DERA: variants seen among roughly 807,000 people sequenced by gnomAD.
The protein encoded by DERA is 2-deoxy-D-ribose 5-phosphate aldolase.
DERA carries 15 observed loss-of-function variants against 41.1 expected under a neutral mutation model. That is an observed-to-expected ratio of 0.37 (90% CI 0.24 to 0.56). The LOEUF is 0.56. DERA is among the 20% of genes least tolerant of loss of function. The probability of loss-of-function intolerance (pLI) is 0.81; values close to 1 mark genes in which losing one functional copy is unlikely to be tolerated. For synonymous variants in DERA, 139 were observed against 137.4 expected, an observed-to-expected ratio of 1.01 and a Z score of -0.08; for missense variants, 396 against 403.4, an observed-to-expected ratio of 0.98 and a Z score of 0.16.
chr12:15,946,426 G>A (rs1234591336), intron 1 of DERA, among the ~76,000 whole-genome samples: 1 of 152,102 alleles, frequency 6.6e-6, no homozygotes, highest in Non-Finnish European at 1.5e-5. Context: ...GGTCTATTCA[G>A]GGATTCAACT....
At chr12:15,975,586 A>G (rs966458314) in intron 5 of DERA, among the ~76,000 whole-genome samples, 9 of 152,196 alleles carry the variant, frequency 5.9e-5, no homozygotes, top group African/African-American at 2.2e-4. Flanking sequence ...GTTATTATCT[A>G]TGTTTTAAAC....
At position 15,976,367 on chromosome 12, in the gene DERA, G is replaced by A. The variant is rs765585858; in HGVS notation, c.509-5941G>A. Among the ~76,000 whole-genome samples, 12 of 152,088 alleles carry A rather than the reference G, an allele frequency of 7.9e-5. No individual in the cohort carries two copies. The highest frequency in any genetic ancestry group is 1.8e-4 in the Non-Finnish European group (12 of 68,032). On this transcript the variant is annotated intron_variant, in intron 5 of 8. Transcript: ENST00000428559. The surrounding 1 kb of genome is among the most constrained non-coding windows in gnomAD (Gnocchi z 4.1). The stretch of plus-strand genomic sequence containing the variant: ...AGAATTTTCAGTCCTCGCTGGTAAG[G>A]GTGACCTTCACTTTCCCCAGAGCTG...
intron 6 of DERA, among the ~76,000 whole-genome samples, chr12:16,016,580 A>G (rs1456535450): frequency 6.6e-6 from 1 of 152,028 alleles, no homozygotes; most frequent in Non-Finnish European, 1.5e-5. Context: ...TGGGCAGATT[A>G]CTTGAGCTCA....
chr12:16,036,386 G>T lies in DERA; in HGVS notation c.900+5G>T, dbSNP rs368674782. ...CTCTCGGACATTGAGAGGCAGGTGAGTAATCATCTCTGTCTTTGGAATAAA... is the reference window on the plus strand; with the variant it reads ...CTCTCGGACATTGAGAGGCAGGTGATTAATCATCTCTGTCTTTGGAATAAA... On this transcript the variant is annotated splice_donor_5th_base_variant and intron_variant, in intron 8 of 8. Coordinates refer to ENST00000428559, the MANE Select transcript of DERA (RefSeq NM_015954.4). This position sits in a 1 kb window ranked among gnomAD's most constrained non-coding sequence, Gnocchi z 4.9. 2 of 1,586,054 alleles carry T rather than the reference G, an allele frequency of 1.3e-6. No homozygotes were observed. Among genetic ancestry groups the T allele is most frequent in the Non-Finnish European group, 1.7e-6 (2 of 1,169,756 alleles).
At chr12:16,023,570 C>G (rs910715600) in intron 6 of DERA, among the ~76,000 whole-genome samples, 11 of 149,366 alleles carry the variant, frequency 7.4e-5, no homozygotes, top group Non-Finnish European at 1.3e-4. Context: ...CTCCGCCTCC[C>G]GGGTTCACGC....
chr12:15,994,691 G>A lies in DERA; in HGVS notation c.637+12255G>A, dbSNP rs755400627. The stretch of plus-strand genomic sequence containing the variant: ...CATGGTCTCGATCTCCTGACCTCGC[G>A]ATCCACCCACCTCGGCCTCCCAAAG... On this transcript the variant is annotated intron_variant, in intron 6 of 8. Coordinates refer to ENST00000428559, the MANE Select transcript of DERA (RefSeq NM_015954.4). The surrounding 1 kb of genome is among the most constrained non-coding windows in gnomAD (Gnocchi z 4.8). Among the ~76,000 whole-genome samples, 1 of 152,128 alleles carries A rather than the reference G, an allele frequency of 6.6e-6. No individual in the cohort carries two copies. The highest frequency in any genetic ancestry group is 2.1e-4 in the South Asian group (1 of 4,828).
chr12:15,912,704 T>A (rs968145688), intron 1 of DERA, among the ~76,000 whole-genome samples: 14 of 152,226 alleles, frequency 9.2e-5, no homozygotes, highest in African/African-American at 3.4e-4. Context: ...TTTTAGGGGC[T>A]AATTTTGAGA....
chr12:16,004,664 G>A lies in DERA; in HGVS notation c.637+22228G>A, dbSNP rs1026416222. Among the ~76,000 whole-genome samples, 1 of 152,044 alleles carries A rather than the reference G, an allele frequency of 6.6e-6. No homozygotes were observed. The highest frequency in any genetic ancestry group is 2.4e-5 in the African/African-American group (1 of 41,380). On this transcript the variant is annotated intron_variant, in intron 6 of 8. Coordinates refer to ENST00000428559, the MANE Select transcript of DERA (RefSeq NM_015954.4). This position sits in a 1 kb window ranked among gnomAD's most constrained non-coding sequence, Gnocchi z 4.2. ...GTGTTTATGCATGTATCCTTTGTAC[G>A]ATGACAACAATGACAACAAATGACT...
At position 15,943,705 on chromosome 12, in the gene DERA, T is replaced by TTTTATTTA. The variant is rs369885387; in HGVS notation, c.32-13203_32-13196dup. Reference sequence around the variant, plus strand: ...TGTTTCTTCTTTTTTATTTTTTAATTTTTATTTATTTATTTATTTATTTAT... The same window carrying TTTTATTTA: ...TGTTTCTTCTTTTTTATTTTTTAATTTTTATTTATTTATTTATTTATTTATTTATTTAT... On this transcript the variant is annotated intron_variant, in intron 1 of 8. Transcript: ENST00000428559. The surrounding 1 kb of genome is among the most constrained non-coding windows in gnomAD (Gnocchi z 4.5). Among the ~76,000 whole-genome samples the TTTTATTTA allele has an allele frequency of 0.22, 32,339 of 143,940 alleles. 4,218 individuals carry two copies. The highest frequency in any genetic ancestry group is 0.3 in the Non-Finnish European group (19,685 of 65,700). The allele number at this position is 143,940 out of a possible 152,430, so 94.4% of individuals were successfully genotyped here.
At chr12:15,977,775 A>C (rs1480692358) in intron 5 of DERA, among the ~76,000 whole-genome samples, 1 of 152,192 alleles carries the variant, frequency 6.6e-6, no homozygotes, top group African/African-American at 2.4e-5. Flanking sequence ...CATGCTTCAC[A>C]TGGGAAGTGT....
At chr12:15,919,515 T>TTAAAGGCA (rs1367226501) in intron 1 of DERA, among the ~76,000 whole-genome samples, 1 of 152,206 alleles carries the variant, frequency 6.6e-6, no homozygotes, top group African/African-American at 2.4e-5. Context: ...ATCTTTTGAG[T>TTAAAGGCA]TAAAGGCATA....
Position 15,982,153 on chromosome 12 carries a change from A to C in DERA, c.509-155A>C, listed in dbSNP as rs893320147. Among the ~76,000 whole-genome samples the C allele has an allele frequency of 1.3e-5, 2 of 152,232 alleles. No homozygotes were observed. The highest frequency in any genetic ancestry group is 2.9e-5 in the Non-Finnish European group (2 of 68,050). On this transcript the variant is annotated intron_variant, in intron 5 of 8. Transcript: ENST00000428559. This position sits in a 1 kb window ranked among gnomAD's most constrained non-coding sequence, Gnocchi z 4.0. ...GTAACAGGATGTGAACTGCAACAGA[A>C]TGCTCCAGGCAATGTTAAATTGGGG...
At chr12:15,997,462 G>T (rs1360080897) in intron 6 of DERA, among the ~76,000 whole-genome samples, 1 of 152,062 alleles carries the variant, frequency 6.6e-6, no homozygotes, top group Admixed American at 6.6e-5. Flanking sequence ...CTAGAATAAA[G>T]AAATGAAGGG....
intron 1 of DERA, among the ~76,000 whole-genome samples, chr12:15,948,460 A>G (rs1948469188): frequency 6.6e-6 from 1 of 152,122 alleles, no homozygotes; most frequent in South Asian, 2.1e-4. Context: ...ATCTTGAATC[A>G]TTGATACCCT....
In DERA at chr12:15,936,498, TA is replaced by T. The variant is rs1489065134; in HGVS notation, c.32-20433del. Among the ~76,000 whole-genome samples the T allele has an allele frequency of 6.6e-6, 1 of 152,218 alleles. No individual in the cohort carries two copies. Among genetic ancestry groups the T allele is most frequent in the Non-Finnish European group, 1.5e-5 (1 of 68,044 alleles). On this transcript the variant is annotated intron_variant, in intron 1 of 8. Coordinates refer to ENST00000428559, the MANE Select transcript of DERA (RefSeq NM_015954.4). The surrounding 1 kb of genome is among the most constrained non-coding windows in gnomAD (Gnocchi z 4.6). ...CCTCTCTTTCTTTCACTCATAGACA[TA>T]AAAAGTTTGCACTTTAAAGAAATTA...
At chr12:15,977,255 A>G (rs1042899129) in intron 5 of DERA, among the ~76,000 whole-genome samples, 2 of 152,142 alleles carry the variant, frequency 1.3e-5, no homozygotes, top group African/African-American at 2.4e-5. Flanking sequence ...AAGCACTGCA[A>G]TGTATTTCCC....
chr12:15,942,794 T>C (rs1948418092), intron 1 of DERA, among the ~76,000 whole-genome samples: 1 of 152,198 alleles, frequency 6.6e-6, no homozygotes, highest in Non-Finnish European at 1.5e-5. Flanking sequence ...CTGTGCGACA[T>C]TGCTGGAGAC....
chr12:16,033,923 A>G (rs1345445712), intron 7 of DERA, among the ~76,000 whole-genome samples: 1 of 152,160 alleles, frequency 6.6e-6, no homozygotes, highest in Non-Finnish European at 1.5e-5. Context: ...AATAACCTCT[A>G]CCTGGTATCC....
chr12:15,932,161 T>C (rs757511423), intron 1 of DERA, among the ~76,000 whole-genome samples: 27 of 152,344 alleles, frequency 1.8e-4, no homozygotes, highest in Non-Finnish European at 2.9e-4. Flanking sequence ...TGAAAACTTT[T>C]GTCTGTTACC....
Sources: gnomAD v4.1 joint callset for allele counts (sites outside exome capture counted in the v4.1 genomes callset) on GRCh38, gnomAD v4.1.1 for gene constraint, Gnocchi (gnomAD v3.1) non-coding constraint, MANE v1.5 for transcripts, NCBI Gene and HGNC (gene_info 2026-07-23, HGNC 2026-07-21) for gene names.